SH2D4A: variants seen among roughly 807,000 people sequenced by gnomAD.
SH2D4A encodes the protein SH2 domain containing 4A.
SH2D4A carries 70 observed loss-of-function variants against 64.7 expected under a neutral mutation model. That is an observed-to-expected ratio of 1.08 (90% CI 0.89 to 1.32). SH2D4A has a LOEUF of 1.32. Among genes scored for constraint, SH2D4A ranks in the 40% most tolerant of loss-of-function variants. SH2D4A has a pLI of 0.00. For synonymous variants in SH2D4A, 268 were observed against 200.7 expected (o/e 1.34, Z -2.83); for missense variants, 706 against 540.1 (o/e 1.31, Z -3.04).
chr8:19,345,565 C>A (rs1049778959), intron 4 of SH2D4A, among the ~76,000 whole-genome samples: 1 of 152,172 alleles, frequency 6.6e-6, no homozygotes, highest in Non-Finnish European at 1.5e-5. Flanking sequence ...ATGATGTATT[C>A]TTTGGTCAAG....
chr8:19,328,426 G>A (rs1290112295), intron 2 of SH2D4A, among the ~76,000 whole-genome samples: 1 of 151,970 alleles, frequency 6.6e-6, no homozygotes, highest in Non-Finnish European at 1.5e-5. Flanking sequence ...CCGCTGCTGT[G>A]TTCCCAGTTA....
At chr8:19,343,858 A>G (rs2052568557) in intron 4 of SH2D4A, among the ~76,000 whole-genome samples, 1 of 152,166 alleles carries the variant, frequency 6.6e-6, no homozygotes, top group South Asian at 2.1e-4. Context: ...ACGTTCTAGG[A>G]GGCCAGTGGC....
intron 2 of SH2D4A, among the ~76,000 whole-genome samples, chr8:19,321,858 G>A (rs188577949): frequency 1.3e-3 from 194 of 152,268 alleles, no homozygotes; most frequent in African/African-American, 3.8e-3. Context: ...TGGGTTTCTC[G>A]TGTTTGCTGA....
At chr8:19,394,099 G>T (rs1003434860) in intron 9 of SH2D4A, among the ~76,000 whole-genome samples, 1 of 152,084 alleles carries the variant, frequency 6.6e-6, no homozygotes, top group Non-Finnish European at 1.5e-5. Context: ...CCTAAGGAGC[G>T]CACAACTGAG....
chr8:19,348,995 C>G (rs1307747272), intron 4 of SH2D4A, among the ~76,000 whole-genome samples: 2 of 152,150 alleles, frequency 1.3e-5, no homozygotes, highest in Admixed American at 1.3e-4. Context: ...AAATAGAGAT[C>G]ATGTGCTTCC....
At chr8:19,385,573 T>A (rs2053375147) in intron 8 of SH2D4A, among the ~76,000 whole-genome samples, 1 of 152,174 alleles carries the variant, frequency 6.6e-6, no homozygotes, top group Non-Finnish European at 1.5e-5. Flanking sequence ...ACTCTGAACC[T>A]CTTGGAGGTA....
chr8:19,318,994 T>G (rs768900127), intron 1 of SH2D4A, among the ~76,000 whole-genome samples: 4 of 152,126 alleles, frequency 2.6e-5, no homozygotes, highest in Non-Finnish European at 4.4e-5. Flanking sequence ...TTTTTTTTTC[T>G]TTCTTTTTTC....
chr8:19,364,050 T>G (rs2052940473), intron 6 of SH2D4A, 22 bp from the exon 7 acceptor site: 11 of 1,613,100 alleles, frequency 6.8e-6, no homozygotes, highest in Non-Finnish European at 9.3e-6. Flanking sequence ...GAGGGTTTTC[T>G]CCGACCCCGT....
At chr8:19,317,500 G>C (rs919536751) in intron 1 of SH2D4A, among the ~76,000 whole-genome samples, 3 of 76,056 alleles carry the variant, frequency 3.9e-5, no homozygotes, top group African/African-American at 7.9e-5. Context: ...AGTAGGGATA[G>C]GTGTAGTTTC....
At chr8:19,314,374 C>G (rs1265436756) in intron 1 of SH2D4A, among the ~76,000 whole-genome samples, 1 of 152,132 alleles carries the variant, frequency 6.6e-6, no homozygotes, top group Admixed American at 6.5e-5. Flanking sequence ...CCCCGCGCAC[C>G]GGCACCCAGG....
At chr8:19,368,224 T>C (rs1037520060) in intron 7 of SH2D4A, among the ~76,000 whole-genome samples, 3 of 152,184 alleles carry the variant, frequency 2.0e-5, no homozygotes, top group Admixed American at 2.0e-4. Context: ...ATGTGTGTGT[T>C]TTTATGCCAG....
intron 7 of SH2D4A, among the ~76,000 whole-genome samples, chr8:19,368,918 A>G (rs2053048353): frequency 6.6e-6 from 1 of 152,168 alleles, no homozygotes; most frequent in Non-Finnish European, 1.5e-5. Flanking sequence ...TCCAAGTTTT[A>G]AAGGAAAAAC....
In SH2D4A at chr8:19,353,682, T is replaced by G. The variant is rs921044134; in HGVS notation, c.514-3521T>G. ...ACACCTGGCCTCTAGCTGTTTTTTT[T>G]TTTTTTTTTTTTTAATAAAGGAAAT... On this transcript the variant is annotated intron_variant, in intron 4 of 9. Transcript: ENST00000265807. 6.2e-4 allele frequency among the ~76,000 whole-genome samples: 91 copies of G among 146,360 alleles called. 1 individual carries two copies. The highest frequency in any genetic ancestry group is 1.2e-3 in the Non-Finnish European group (77 of 66,410).
intron 7 of SH2D4A, among the ~76,000 whole-genome samples, chr8:19,372,011 T>A (rs2053108078): frequency 6.6e-6 from 1 of 152,208 alleles, no homozygotes; most frequent in African/African-American, 2.4e-5. Flanking sequence ...CACATCTCTA[T>A]GACTTTAGGC....
chr8:19,328,220 TAG>T (rs2052312967), intron 2 of SH2D4A, among the ~76,000 whole-genome samples: 1 of 152,200 alleles, frequency 6.6e-6, no homozygotes, highest in South Asian at 2.1e-4. Context: ...ACGCCACCTA[TAG>T]AGTCATTCCC....
intron 1 of SH2D4A, among the ~76,000 whole-genome samples, chr8:19,318,184 G>A (rs531708984): frequency 4.6e-5 from 7 of 152,288 alleles, no homozygotes; most frequent in East Asian, 1.9e-4. Context: ...GATTACAGGC[G>A]TGAGCCACCC....
chr8:19,333,257 A>G, intron 3 of SH2D4A, 143 bp downstream of exon 3: 1 of 905,888 alleles, frequency 1.1e-6, no homozygotes, highest in African/African-American at 1.7e-5. Flanking sequence ...ATCTCTTTGG[A>G]AGGTTGATTT....
intron 8 of SH2D4A, among the ~76,000 whole-genome samples, chr8:19,388,152 T>G (rs537901914): frequency 4.2e-4 from 64 of 152,326 alleles, no homozygotes; most frequent in African/African-American, 1.5e-3. Context: ...CCAGGAAAAT[T>G]CCATGAGCCT....
Position 19,319,445 on chromosome 8 carries a change from A to T in SH2D4A, c.-103A>T. 1 of 1,340,950 alleles carries T rather than the reference A, an allele frequency of 7.5e-7. No homozygotes were observed. The highest frequency in any genetic ancestry group is 2.8e-4 in the Middle Eastern group (1 of 3,562). The allele number at this position is 1,340,950 out of a possible 1,614,324, so 83.1% of individuals were successfully genotyped here. On this transcript the variant is annotated 5_prime_UTR_variant, in exon 2 of 10. Coordinates refer to ENST00000265807, the MANE Select transcript of SH2D4A (RefSeq NM_022071.4). ...CAGCCAGGATTGTGAGCTGTTTGGG[A>T]AGTTTCGTGGAAACGCCCAAGTGCC...
Sources: allele counts gnomAD v4.1 joint callset (sites outside exome capture counted in the v4.1 genomes callset), GRCh38; gene constraint gnomAD v4.1.1; transcripts MANE v1.5; gene names NCBI Gene and HGNC (gene_info 2026-07-23, HGNC 2026-07-21).